CPM: variants seen among roughly 807,000 people sequenced by gnomAD.
CPM encodes the protein renal carboxypeptidase.
A neutral mutation model predicts 46.4 loss-of-function variants in CPM; 35 were observed. That is an observed-to-expected ratio of 0.75 (90% CI 0.58 to 1.00). CPM has a LOEUF of 1.00. CPM is among the 50% of genes least tolerant of loss of function. The probability of loss-of-function intolerance (pLI) is 0.00; values close to 1 mark genes in which losing one functional copy is unlikely to be tolerated. For missense variants in CPM, 422 were observed against 530.4 expected (o/e 0.80, Z 2.01); for synonymous variants, 195 against 195.3 (o/e 1.00, Z 0.01).
Position 68,855,294 on chromosome 12 carries a change from G to T in CPM, c.*1143C>A, listed in dbSNP as rs932376760. Reference sequence around the variant, plus strand: ...AATGCAGCAGGAAGAGCAGCTCTAGGGGGAACAGGATGAGTATCTCCACAT... The same window carrying T: ...AATGCAGCAGGAAGAGCAGCTCTAGTGGGAACAGGATGAGTATCTCCACAT... On this transcript the variant is annotated 3_prime_UTR_variant, in exon 9 of 9. Transcript: ENST00000551568. 3 of 152,354 alleles carry T rather than the reference G, an allele frequency of 2.0e-5. No homozygotes were observed. Among genetic ancestry groups the T allele is most frequent in the Non-Finnish European group, 2.9e-5 (2 of 68,216 alleles). The allele number at this position is 152,354 out of a possible 1,614,324, so 9.4% of individuals were successfully genotyped here. A position where few individuals can be genotyped will look rare whatever the true frequency, so the allele number is the denominator to read the frequency against.
intron 1 of CPM, among the ~76,000 whole-genome samples, chr12:68,943,690 C>G (rs367658297): frequency 1.6e-3 from 244 of 152,198 alleles, no homozygotes; most frequent in African/African-American, 5.7e-3. Flanking sequence ...CTAATAAGGC[C>G]GATTTCCAAA....
chr12:68,916,077 A>G (rs2136299144), intron 2 of CPM, among the ~76,000 whole-genome samples: 1 of 152,322 alleles, frequency 6.6e-6, no homozygotes, highest in Non-Finnish European at 1.5e-5. Flanking sequence ...GTTCCCTCTC[A>G]TGTTCCTGCT....
At chr12:68,916,496 T>C (rs937620269) in intron 2 of CPM, among the ~76,000 whole-genome samples, 1 of 152,258 alleles carries the variant, frequency 6.6e-6, no homozygotes, top group Non-Finnish European at 1.5e-5. Context: ...TTTACACACT[T>C]AATATTACAT....
chr12:68,932,625 T>C, intron 2 of CPM, 53 bp downstream of exon 2: 3 of 1,601,466 alleles, frequency 1.9e-6, no homozygotes, highest in Non-Finnish European at 2.6e-6. Flanking sequence ...ATTTAATGAA[T>C]ACTGAAAGGG....
chr12:68,869,765 G>A (rs1490680327), intron 5 of CPM, among the ~76,000 whole-genome samples: 1 of 152,060 alleles, frequency 6.6e-6, no homozygotes, highest in Non-Finnish European at 1.5e-5. Flanking sequence ...AATTTCTGGA[G>A]GTAAGGACAA....
intron 1 of CPM, among the ~76,000 whole-genome samples, chr12:68,947,654 A>T (rs145252273): frequency 0.012 from 1,814 of 150,658 alleles, 34 homozygotes; most frequent in African/African-American, 0.042. Flanking sequence ...ATTTATTATT[A>T]TTTTTTTTGA....
At chr12:68,957,321 G>GAAA (rs10530969) in intron 1 of CPM, 2 of 137,046 alleles carry the variant, frequency 1.5e-5, no homozygotes, top group African/African-American at 5.6e-5. Context: ...GTGATTCTCA[G>GAAA]AAAAAAAAAA....
intron 3 of CPM, among the ~76,000 whole-genome samples, chr12:68,872,338 C>T (rs1374893459): frequency 2.7e-5 from 4 of 150,608 alleles, no homozygotes; most frequent in Admixed American, 6.6e-5. Context: ...TTGCAACCTC[C>T]GCCTCCTGGG....
intron 6 of CPM, among the ~76,000 whole-genome samples, chr12:68,868,591 A>G (rs1054469954): frequency 1.3e-5 from 2 of 151,804 alleles, no homozygotes; most frequent in East Asian, 1.9e-4. Context: ...TGTTTATATT[A>G]TTCCCTCTAA....
intron 5 of CPM, chr12:68,842,470 T>C (rs2136186373): frequency 9.7e-6 from 4 of 413,160 alleles, no homozygotes; most frequent in South Asian, 7.8e-5. Flanking sequence ...TATTGACTTA[T>C]TTTTTATATA....
chr12:68,880,775 C>T (rs57202226), intron 3 of CPM, among the ~76,000 whole-genome samples: 9,582 of 152,210 alleles, frequency 0.063, 515 homozygotes, highest in East Asian at 0.19. Flanking sequence ...CTAAAATGCA[C>T]TTATTGTCAT....
downstream of CPM, chr12:68,847,647 G>T (rs967095274): frequency 4.0e-5 from 6 of 151,290 alleles, no homozygotes; most frequent in South Asian, 4.2e-4. Flanking sequence ...TAGAGACGGG[G>T]TTTCACCGTG....
At chr12:68,937,090 A>G (rs764619292), upstream of CPM, among the ~76,000 whole-genome samples, 1 of 152,214 alleles carries the variant, frequency 6.6e-6, no homozygotes, top group Non-Finnish European at 1.5e-5. Flanking sequence ...TGCTGTTTCA[A>G]TGGTGTTCTA....
chr12:68,926,203 C>T (rs796283721), intron 2 of CPM, among the ~76,000 whole-genome samples: 12 of 152,220 alleles, frequency 7.9e-5, no homozygotes, highest in African/African-American at 2.9e-4. Context: ...CAGGTGTGAG[C>T]CACTGCTTTT....
rs116998035 is a variant in CPM at position 68,880,918 on chromosome 12, C to T, written c.258+4874G>A. Among the ~76,000 whole-genome samples the T allele has an allele frequency of 3.5e-3, 535 of 152,272 alleles. 3 individuals carry two copies. The highest frequency in any genetic ancestry group is 5.8e-3 in the Non-Finnish European group (395 of 68,038). ...AAGCATGTGAGACAATGGAAGGTCA[C>T]TGAAGACAAGAAAAATATCTACAGT... On this transcript the variant is annotated intron_variant, in intron 3 of 8. Transcript: ENST00000551568.
downstream of CPM, chr12:68,848,555 A>C (rs1042930973): frequency 6.6e-6 from 1 of 152,200 alleles, no homozygotes; most frequent in Non-Finnish European, 1.5e-5. Context: ...GTAGTCTTAA[A>C]AGTTGATATG....
intron 1 of CPM, 106 bp from the exon 2 acceptor site, chr12:68,932,946 G>T: frequency 2.0e-6 from 2 of 1,009,026 alleles, no homozygotes; most frequent in Non-Finnish European, 2.9e-6. Context: ...CGACACTGAC[G>T]CTCCCTGCCT....
intron 2 of CPM, among the ~76,000 whole-genome samples, chr12:68,887,558 C>A (rs1886484466): frequency 6.6e-6 from 1 of 152,188 alleles, no homozygotes; most frequent in South Asian, 2.1e-4. Context: ...CCACAAAATG[C>A]AGTTTATATG....
intron 2 of CPM, among the ~76,000 whole-genome samples, chr12:68,901,955 C>G (rs889704762): frequency 2.0e-5 from 3 of 152,000 alleles, no homozygotes; most frequent in African/African-American, 7.3e-5. Context: ...TCTGTGTCAC[C>G]CAGCCTGGGA....
Sources: allele counts gnomAD v4.1 joint callset (sites outside exome capture counted in the v4.1 genomes callset), GRCh38; gene constraint gnomAD v4.1.1; transcripts MANE v1.5; gene names NCBI Gene and HGNC (gene_info 2026-07-23, HGNC 2026-07-21).